The following GPR26 variants were observed in gnomAD, a reference collection of about 807,000 sequenced individuals.
The protein encoded by GPR26 is G protein-coupled receptor 26.
GPR26 carries 15 observed loss-of-function variants against 23.1 expected under a neutral mutation model. The ratio of observed to expected loss-of-function variants is 0.65; its 90% CI spans 0.43 to 1.00. The LOEUF is 1.00. Ranked by LOEUF, GPR26 falls within the 50% of genes least tolerant of loss-of-function variation. The pLI, the probability that GPR26 is intolerant of heterozygous loss-of-function variation, is 0.00. For missense variants in GPR26, 359 were observed against 470.5 expected, an observed-to-expected ratio of 0.76 and a Z score of 2.19; for synonymous variants, 228 against 222.1, an observed-to-expected ratio of 1.03 and a Z score of -0.24.
At chr10:123,670,057 C>G (rs956585616) in intron 1 of GPR26, among the ~76,000 whole-genome samples, 2 of 152,194 alleles carry the variant, frequency 1.3e-5, no homozygotes, top group Admixed American at 1.3e-4. Context: ...CCCTGACTCA[C>G]TGGCTTGGCT....
intron 2 of GPR26, among the ~76,000 whole-genome samples, chr10:123,681,510 G>A (rs1038319695): frequency 6.6e-6 from 1 of 152,134 alleles, no homozygotes; most frequent in Non-Finnish European, 1.5e-5. Context: ...GCTTCCACCC[G>A]CCTTGTACCT....
Position 123,688,043 on chromosome 10 carries a change from C to A in GPR26, c.897C>A (p.His299Gln). ...SDPFVYSLLR[H>Q]QYRKSCKEIL... ...CCTTTGTGTACTCCTTACTGCGACA[C>A]CAGTACCGCAAAAGCTGCAAGGAGA... is the stretch of plus-strand genomic sequence containing the variant. The change falls in exon 3 of 3, where the codon CAC becomes CAA. Residue 299 changes from histidine (H) to glutamine (Q), a missense_variant. Coordinates refer to ENST00000284674, the MANE Select transcript of GPR26 (RefSeq NM_153442.4). 1 of 1,613,724 alleles carries A rather than the reference C, an allele frequency of 6.2e-7. No individual in the cohort carries two copies. The highest frequency in any genetic ancestry group is 8.5e-7 in the Non-Finnish European group (1 of 1,179,632).
In GPR26 at chr10:123,666,486, C is replaced by T. The variant is rs1385513905; in HGVS notation, c.79C>T (p.Leu27=). The change falls in exon 1 of 3, where the codon CTG becomes TTG. Residue 27 remains leucine, a synonymous_variant. Transcript: ENST00000284674. The stretch of plus-strand genomic sequence containing the variant: ...CTCGCTGCTGTCCAACGCGCTGGTG[C>T]TGCTCTGCCTGCTGCACAGCGCGGA... ...GVSLLSNALV[L]LCLLHSADIR... The T allele has an allele frequency of 6.4e-7, 1 of 1,564,308 alleles. No individual in the cohort carries two copies. The highest frequency in any genetic ancestry group is 1.2e-5 in the South Asian group (1 of 85,548).
intron 2 of GPR26, among the ~76,000 whole-genome samples, chr10:123,675,871 A>T (rs1001458076): frequency 1.1e-4 from 8 of 74,546 alleles, no homozygotes; most frequent in Non-Finnish European, 2.6e-4. Context: ...AGAGAGAGAG[A>T]CCCAGAAAAA....
chr10:123,667,429 C>A (rs1424758498), intron 1 of GPR26, among the ~76,000 whole-genome samples: 3 of 152,182 alleles, frequency 2.0e-5, no homozygotes, highest in Non-Finnish European at 4.4e-5. Context: ...TAAAGACCTT[C>A]AAAGTGTTTG....
rs773797259 is a variant in GPR26, at chr10:123,694,638, A to G, written c.*6478A>G. 6.6e-6 allele frequency: 1 copy of G among 151,032 alleles called. No homozygotes were observed. The highest frequency in any genetic ancestry group is 1.5e-5 in the Non-Finnish European group (1 of 67,710). The allele number at this position is 151,032 out of a possible 1,614,324, so 9.4% of individuals were successfully genotyped here. ...GAAGGAAAAACAAAGGAAGGAGAAA[A>G]AGGGAAGGAAAGAAGAAAGGAAGGA... On this transcript the variant is annotated 3_prime_UTR_variant, in exon 3 of 3. Coordinates refer to ENST00000284674, the MANE Select transcript of GPR26 (RefSeq NM_153442.4).
chr10:123,680,825 TTTG>T (rs1564732116), intron 2 of GPR26, among the ~76,000 whole-genome samples: 1 of 117,022 alleles, frequency 8.5e-6, no homozygotes, highest in African/African-American at 3.3e-5. Context: ...GTTTTGTTTT[TTTG>T]GGGGGGGGGG....
At chr10:123,672,879 T>G (rs1457175952) in intron 1 of GPR26, among the ~76,000 whole-genome samples, 2 of 152,226 alleles carry the variant, frequency 1.3e-5, no homozygotes, top group Non-Finnish European at 2.9e-5. Flanking sequence ...TGTGTGATCT[T>G]GGGCCAGTTT....
intron 2 of GPR26, among the ~76,000 whole-genome samples, chr10:123,684,490 G>A (rs969935798): frequency 3.3e-5 from 5 of 152,140 alleles, no homozygotes; most frequent in Non-Finnish European, 5.9e-5. Flanking sequence ...CAAACCGAGC[G>A]GCTCTAACAC....
chr10:123,682,393 C>T (rs78638188), intron 2 of GPR26, among the ~76,000 whole-genome samples: 5,752 of 152,220 alleles, frequency 0.038, 354 homozygotes, highest in African/African-American at 0.13. Context: ...CTGGGGCACA[C>T]GAGGCCACAG....
Position 123,666,714 on chromosome 10 carries a change from G to A in GPR26, c.307G>A (p.Asp103Asn). 1 of 1,598,884 alleles carries A rather than the reference G, an allele frequency of 6.3e-7. No individual in the cohort carries two copies. Among genetic ancestry groups the A allele is most frequent in the Non-Finnish European group, 8.5e-7 (1 of 1,177,842 alleles). ...GCTCAGCATGGCCGCGCTCAGCATC[G>A]ACCGCTGGGTGGCCGTGGTCTTCCC... is the stretch of plus-strand genomic sequence containing the variant. ...SMLSMAALSI[D>N]RWVAVVFPLS... Residue 103 changes from aspartate (D) to asparagine (N), a missense_variant, in exon 1 of 3, where the codon GAC becomes AAC. Asp to Asn is a conservative substitution (Grantham distance 23). Transcript: ENST00000284674.
chr10:123,674,103 G>A lies in GPR26; in HGVS notation c.669-715G>A, dbSNP rs1383668075. ...CTCCCAAGTAGCTGGGATTACAGGA[G>A]CCCACCACCACGCATGGCTAATTTT... On this transcript the variant is annotated intron_variant, in intron 1 of 2. Transcript: ENST00000284674. The surrounding 1 kb of genome is among the most constrained non-coding windows in gnomAD (Gnocchi z 4.1). Among the ~76,000 whole-genome samples, 2 of 152,096 alleles carry A rather than the reference G, an allele frequency of 1.3e-5. No homozygotes were observed. Among genetic ancestry groups the A allele is most frequent in the Non-Finnish European group, 2.9e-5 (2 of 68,014 alleles).
chr10:123,683,827 GCT>G (rs1400762957), intron 2 of GPR26, among the ~76,000 whole-genome samples: 1 of 152,190 alleles, frequency 6.6e-6, no homozygotes, highest in Non-Finnish European at 1.5e-5. Flanking sequence ...GTGGGTATCT[GCT>G]CTGTGTCTCA....
In GPR26 at chr10:123,694,690, G is replaced by A. The variant is rs1460063200; in HGVS notation, c.*6530G>A. The A allele has an allele frequency of 1.3e-5, 2 of 151,390 alleles. No homozygotes were observed. Among genetic ancestry groups the A allele is most frequent in the African/African-American group, 4.9e-5 (2 of 41,112 alleles). The allele number at this position is 151,390 out of a possible 1,614,324, so 9.4% of individuals were successfully genotyped here. A position where few individuals can be genotyped will look rare whatever the true frequency, so the allele number is the denominator to read the frequency against. ...AAAAGGAAGGAGGGAGGGGAGGAAG[G>A]AAAAGAAAAAGAAGGAAGGAAGGAG... On this transcript the variant is annotated 3_prime_UTR_variant, in exon 3 of 3. Coordinates refer to ENST00000284674, the MANE Select transcript of GPR26 (RefSeq NM_153442.4).
Position 123,696,331 on chromosome 10 carries a change from G to T in GPR26, c.*8171G>T, listed in dbSNP as rs1250352901. Among the ~76,000 whole-genome samples, 4 of 152,142 alleles carry T rather than the reference G, an allele frequency of 2.6e-5. No homozygotes were observed. The highest frequency in any genetic ancestry group is 2.1e-4 in the South Asian group (1 of 4,816). On this transcript the variant is annotated 3_prime_UTR_variant, in exon 3 of 3. Coordinates refer to ENST00000284674, the MANE Select transcript of GPR26 (RefSeq NM_153442.4). ...AAATGCTATCCTCAGTCCTCCTGGA[G>T]GCTCCTAGTAATGAGGGCACTGAAC...
intron 2 of GPR26, among the ~76,000 whole-genome samples, chr10:123,680,406 C>T (rs74336523): frequency 0.027 from 4,037 of 152,240 alleles, 163 homozygotes; most frequent in African/African-American, 0.087. Context: ...TATGTGAGCT[C>T]CACTCTGCAA....
Position 123,674,795 on chromosome 10 carries a change from C to T in GPR26, c.669-23C>T. The T allele has an allele frequency of 6.5e-7, 1 of 1,548,032 alleles. No individual in the cohort carries two copies. Among genetic ancestry groups the T allele is most frequent in the Non-Finnish European group, 8.9e-7 (1 of 1,121,396 alleles). On this transcript the variant is annotated intron_variant, in intron 1 of 2. Transcript: ENST00000284674. The surrounding 1 kb of genome is among the most constrained non-coding windows in gnomAD (Gnocchi z 4.1). ...CTAGCAAGGGTGCCTCGTAGTTCAC[C>T]TTCTCTCCTCTCTCACATGCAGTGT...
chr10:123,679,311 A>C (rs752308245), intron 2 of GPR26, among the ~76,000 whole-genome samples: 58 of 152,102 alleles, frequency 3.8e-4, no homozygotes, highest in Non-Finnish European at 5.3e-4. Flanking sequence ...ACTGTGTTGA[A>C]AGCAATGCTG....
chr10:123,668,240 G>A (rs750761794), intron 1 of GPR26, among the ~76,000 whole-genome samples: 4 of 152,180 alleles, frequency 2.6e-5, no homozygotes, highest in Non-Finnish European at 4.4e-5. Flanking sequence ...TGAGCATTCT[G>A]AGTATTTCCT....
Sources: gnomAD v4.1 joint callset for allele counts (sites outside exome capture counted in the v4.1 genomes callset) on GRCh38, gnomAD v4.1.1 for gene constraint, Gnocchi (gnomAD v3.1) non-coding constraint, MANE v1.5 for transcripts, NCBI Gene and HGNC (gene_info 2026-07-23, HGNC 2026-07-21) for gene names.